The following SPMIP2 variants were observed in gnomAD, a reference collection of about 807,000 sequenced individuals.
SPMIP2 encodes the protein protein SPMIP2.
chr4:159,008,295 G>A, the SPMIP2 span, among the ~76,000 whole-genome samples: 2 of 152,132 alleles, frequency 1.3e-5, no homozygotes, highest in East Asian at 1.9e-4. Flanking sequence ...TAATTCGGTC[G>A]GGCATGGTGG....
At chr4:158,999,812 A>G in the SPMIP2 span, among the ~76,000 whole-genome samples, 1 of 152,238 alleles carries the variant, frequency 6.6e-6, no homozygotes, top group African/African-American at 2.4e-5. Context: ...AGATTTACAA[A>G]TTAAATTTCT....
At chr4:158,896,716 A>G in the SPMIP2 span, among the ~76,000 whole-genome samples, 1 of 150,660 alleles carries the variant, frequency 6.6e-6, no homozygotes, top group African/African-American at 2.4e-5. Flanking sequence ...TTTATTTACA[A>G]AGTATTTCCC....
At chr4:159,047,435 A>G in the SPMIP2 span, among the ~76,000 whole-genome samples, 1 of 152,218 alleles carries the variant, frequency 6.6e-6, no homozygotes, top group African/African-American at 2.4e-5. Flanking sequence ...TAAGGGCAAA[A>G]TTTATGCTAG....
the SPMIP2 span, among the ~76,000 whole-genome samples, chr4:158,936,275 A>C: frequency 6.6e-6 from 1 of 152,236 alleles, no homozygotes; most frequent in Non-Finnish European, 1.5e-5. Flanking sequence ...GAGTCAGTCT[A>C]GTTGCCTAAT....
chr4:158,893,373 C>G, the SPMIP2 span: 1 of 237,250 alleles, frequency 4.2e-6, no homozygotes, highest in South Asian at 1.5e-4. Context: ...ATAATAGAAC[C>G]TATCTCCTAT....
At chr4:159,007,712 T>C in the SPMIP2 span, 2 of 681,628 alleles carry the variant, frequency 2.9e-6, no homozygotes, top group Admixed American at 1.9e-5. Context: ...AGGCAGCCTA[T>C]GGGGAGCTCA....
At chr4:159,026,164 A>G in the SPMIP2 span, 1 of 389,160 alleles carries the variant, frequency 2.6e-6, no homozygotes, top group South Asian at 2.4e-5. Context: ...CCTAGTGGAC[A>G]GCAAAGGCCT....
chr4:158,967,141 T>C, the SPMIP2 span, among the ~76,000 whole-genome samples: 1 of 152,184 alleles, frequency 6.6e-6, no homozygotes, highest in East Asian at 1.9e-4. Context: ...TTCTGGAAAT[T>C]TAGATATAAG....
the SPMIP2 span, among the ~76,000 whole-genome samples, chr4:158,985,988 C>A: frequency 1.4e-5 from 2 of 146,052 alleles, no homozygotes; most frequent in Non-Finnish European, 3.0e-5. Flanking sequence ...TATACACCAA[C>A]AACAGACAAA....
the SPMIP2 span, among the ~76,000 whole-genome samples, chr4:158,997,970 T>G: frequency 2.6e-5 from 4 of 152,096 alleles, no homozygotes; most frequent in Non-Finnish European, 5.9e-5. Context: ...ATAATCAAAC[T>G]CTTTGATCTA....
chr4:159,007,603 C>T, the SPMIP2 span: 1 of 1,093,184 alleles, frequency 9.1e-7, no homozygotes, highest in Non-Finnish European at 1.4e-6. Flanking sequence ...TTCCAGACAA[C>T]CATTTCCAAG....
At chr4:158,977,814 C>T in the SPMIP2 span, among the ~76,000 whole-genome samples, 1 of 151,996 alleles carries the variant, frequency 6.6e-6, no homozygotes, top group Non-Finnish European at 1.5e-5. Flanking sequence ...CGGGGTTTCA[C>T]TGTGTTAGCC....
the SPMIP2 span, among the ~76,000 whole-genome samples, chr4:158,932,568 GT>G: frequency 6.6e-6 from 1 of 151,952 alleles, no homozygotes; most frequent in African/African-American, 2.4e-5. Flanking sequence ...TCTATCGACT[GT>G]TTTTTTCACC....
chr4:158,897,151 G>T, the SPMIP2 span, among the ~76,000 whole-genome samples: 22 of 152,122 alleles, frequency 1.4e-4, no homozygotes. Context: ...CCTCATCCGT[G>T]TCCCTGCAGA....
At chr4:159,000,494 CTTT>C in the SPMIP2 span, among the ~76,000 whole-genome samples, 5 of 129,994 alleles carry the variant, frequency 3.8e-5, no homozygotes, top group African/African-American at 2.8e-5. Flanking sequence ...TCTTCTTCTT[CTTT>C]TTTTTTTTTT....
chr4:159,060,243 T>C, the SPMIP2 span, among the ~76,000 whole-genome samples: 3 of 152,254 alleles, frequency 2.0e-5, no homozygotes, highest in Admixed American at 6.5e-5. Flanking sequence ...ATTACCAGGA[T>C]TGGACAAAGA....
chr4:158,977,600 C>CTTTTTTTTTTTT, the SPMIP2 span, among the ~76,000 whole-genome samples: 109 of 72,402 alleles, frequency 1.5e-3, 17 homozygotes, highest in Non-Finnish European at 1.8e-3. Context: ...TCCTTCAGTT[C>CTTTTTTTTTTTT]TTTTTTTTTT....
chr4:159,016,681 TAAAAAAGGC>T, the SPMIP2 span, among the ~76,000 whole-genome samples: 6 of 152,324 alleles, frequency 3.9e-5, no homozygotes, highest in African/African-American at 1.4e-4. Flanking sequence ...GCTTGCCAGC[TAAAAAAGGC>T]TAAAGTGGGA....
At chr4:158,960,372 A>T in the SPMIP2 span, 1 of 1,381,612 alleles carries the variant, frequency 7.2e-7, no homozygotes. Flanking sequence ...TTAATGTACC[A>T]TAATTCCAAA....
Sources: gnomAD v4.1 joint callset for allele counts (sites outside exome capture counted in the v4.1 genomes callset) on GRCh38, gnomAD v4.1.1 for gene constraint, MANE v1.5 for transcripts, NCBI Gene and HGNC (gene_info 2026-07-23, HGNC 2026-07-21) for gene names.